Variants in RALGAPA2 observed in about 807,000 individuals in gnomAD.
RALGAPA2 encodes Ral GTPase activating protein catalytic subunit alpha 2.
A neutral mutation model predicts 230.4 loss-of-function variants in RALGAPA2; 139 were observed. The ratio of observed to expected loss-of-function variants is 0.60; its 90% confidence interval spans 0.53 to 0.69. RALGAPA2 has a LOEUF of 0.69. RALGAPA2 is among the 30% of genes least tolerant of loss of function. The pLI is 0.00. For missense variants in RALGAPA2, 2,163 were observed against 2,276.0 expected, an observed-to-expected ratio of 0.95 and a Z score of 1.01; for synonymous variants, 847 against 837.8, an observed-to-expected ratio of 1.01 and a Z score of -0.19.
chr20:20,565,391 G>A (rs1401750647), intron 23 of RALGAPA2, among the ~76,000 whole-genome samples: 1 of 152,178 alleles, frequency 6.6e-6, no homozygotes, highest in East Asian at 1.9e-4. Context: ...CAGGCTGTCT[G>A]GGGTTATTAA....
rs144804744 is a variant in RALGAPA2, at chr20:20,488,260, G to C, written c.5367+6857C>G. Among the ~76,000 whole-genome samples the C allele has an allele frequency of 1.7e-3, 254 of 152,298 alleles. 1 individual carries two copies. The highest frequency in any genetic ancestry group is 5.9e-3 in the African/African-American group (245 of 41,564). On this transcript the variant is annotated intron_variant, in intron 36 of 39. Transcript: ENST00000202677. ...GCTTTCTCCCTTTTTCTGCCAAAGA[G>C]GGGATTTTCCTCCAGTTTTTACTGT...
At chr20:20,464,265 CAG>C (rs1436113789) in intron 37 of RALGAPA2, among the ~76,000 whole-genome samples, 1 of 152,192 alleles carries the variant, frequency 6.6e-6, no homozygotes, top group Non-Finnish European at 1.5e-5. Context: ...CTTCAGCTGT[CAG>C]TATTTGCATG....
At chr20:20,524,286 G>A in intron 30 of RALGAPA2, 120 bp downstream of exon 30, 2 of 1,335,812 alleles carry the variant, frequency 1.5e-6, no homozygotes, top group South Asian at 2.8e-5. Context: ...AAACGTTTAA[G>A]CCACCATAAA....
Position 20,437,533 on chromosome 20 carries a change from C to T in RALGAPA2, c.5496-25385G>A, listed in dbSNP as rs1307594205. Among the ~76,000 whole-genome samples, 1 of 152,212 alleles carries T rather than the reference C, an allele frequency of 6.6e-6. No homozygotes were observed. Among genetic ancestry groups the T allele is most frequent in the African/African-American group, 2.4e-5 (1 of 41,456 alleles). On this transcript the variant is annotated intron_variant, in intron 37 of 39. Coordinates refer to ENST00000202677, the MANE Select transcript of RALGAPA2 (RefSeq NM_020343.4). The surrounding 1 kb of genome is among the most constrained non-coding windows in gnomAD (Gnocchi z 4.1). The stretch of plus-strand genomic sequence containing the variant: ...TACTGTGGCTGGCAAGGCCCTGCCC[C>T]ACTGGGTGCCTGCCCCTGCTGTCAC...
At chr20:20,394,889 CAAAAAAAAA>C (rs10673778) in intron 39 of RALGAPA2, among the ~76,000 whole-genome samples, 459 of 44,664 alleles carry the variant, frequency 0.01, 14 homozygotes, top group African/African-American at 0.041. Flanking sequence ...AATAAATAAG[CAAAAAAAAA>C]AAAAAAAAAA....
intron 11 of RALGAPA2, 25 bp downstream of exon 11, chr20:20,620,438 T>C: frequency 6.2e-7 from 1 of 1,609,524 alleles, no homozygotes; most frequent in Non-Finnish European, 8.5e-7. Context: ...TACCCTCAAC[T>C]CAAAAGACAA....
At chr20:20,434,074 C>G (rs990371158) in intron 37 of RALGAPA2, among the ~76,000 whole-genome samples, 1 of 152,104 alleles carries the variant, frequency 6.6e-6, no homozygotes, top group Non-Finnish European at 1.5e-5. Flanking sequence ...ACTTGTTCAT[C>G]TGGGGGCCTG....
chr20:20,706,884 G>A (rs2069629512), intron 1 of RALGAPA2, among the ~76,000 whole-genome samples: 1 of 152,054 alleles, frequency 6.6e-6, no homozygotes, highest in Non-Finnish European at 1.5e-5. Context: ...TCCTCAGCTG[G>A]GGATAGGAAC....
intron 23 of RALGAPA2, among the ~76,000 whole-genome samples, chr20:20,554,041 A>G (rs573214295): frequency 2.6e-5 from 4 of 152,316 alleles, no homozygotes; most frequent in African/African-American, 9.6e-5. Flanking sequence ...AAAGTGTACA[A>G]TTCAGTAGTT....
intron 16 of RALGAPA2, chr20:20,598,829 G>A (rs1440212043): frequency 2.2e-6 from 1 of 452,570 alleles, no homozygotes; most frequent in South Asian, 1.6e-5. Flanking sequence ...GCTTCCAGGA[G>A]AGATAAAGTA....
chr20:20,464,674 T>A (rs1454575627), intron 37 of RALGAPA2, among the ~76,000 whole-genome samples: 4 of 152,234 alleles, frequency 2.6e-5, no homozygotes, highest in Non-Finnish European at 5.9e-5. Flanking sequence ...ATTCTGTTAA[T>A]TTAAAATCAA....
intron 37 of RALGAPA2, among the ~76,000 whole-genome samples, chr20:20,432,905 C>G (rs1015782398): frequency 6.6e-6 from 1 of 152,162 alleles, no homozygotes; most frequent in South Asian, 2.1e-4. Flanking sequence ...ATCTGACTGC[C>G]CAGCAGCACT....
rs924642427 is a variant in RALGAPA2 at position 20,686,673 on chromosome 20, C to T, written c.107-5872G>A. Among the ~76,000 whole-genome samples the T allele has an allele frequency of 4.3e-4, 66 of 152,142 alleles. 1 individual carries two copies. The highest frequency in any genetic ancestry group is 3.7e-3 in the Admixed American group (57 of 15,274). On this transcript the variant is annotated intron_variant, in intron 1 of 39. Transcript: ENST00000202677. ...TCAGTAGTTTTAGAATTACTTTGCTCCTGGCAAAGGTCACTAATCCTAATA... is the reference window on the plus strand; with the variant it reads ...TCAGTAGTTTTAGAATTACTTTGCTTCTGGCAAAGGTCACTAATCCTAATA...
intron 1 of RALGAPA2, among the ~76,000 whole-genome samples, chr20:20,699,457 CGA>C (rs1384146992): frequency 1.3e-5 from 2 of 152,066 alleles, no homozygotes; most frequent in South Asian, 2.1e-4. Flanking sequence ...TCCATGGAAT[CGA>C]GAGAGAGTCT....
chr20:20,578,444 A>C (rs1414280166), intron 20 of RALGAPA2, among the ~76,000 whole-genome samples: 1 of 152,126 alleles, frequency 6.6e-6, no homozygotes, highest in Non-Finnish European at 1.5e-5. Flanking sequence ...CGGGTGTTTA[A>C]AATTTTTTTA....
chr20:20,582,165 T>TGTGG (rs2065005837), intron 20 of RALGAPA2, among the ~76,000 whole-genome samples: 1 of 131,520 alleles, frequency 7.6e-6, no homozygotes, highest in Admixed American at 7.1e-5. Flanking sequence ...TCACACAGTG[T>TGTGG]GTGTGTGTGT....
intron 37 of RALGAPA2, among the ~76,000 whole-genome samples, chr20:20,458,965 C>T (rs1041685679): frequency 2.0e-5 from 3 of 150,356 alleles, no homozygotes; most frequent in Non-Finnish European, 4.4e-5. Context: ...CAAATGTCAA[C>T]AGGAACCTTC....
At chr20:20,551,656 C>T (rs2063927756) in intron 23 of RALGAPA2, among the ~76,000 whole-genome samples, 1 of 152,164 alleles carries the variant, frequency 6.6e-6, no homozygotes, top group African/African-American at 2.4e-5. Flanking sequence ...CATATTCAGC[C>T]TGGTAAATGA....
chr20:20,536,258 T>C (rs535315415), intron 25 of RALGAPA2, among the ~76,000 whole-genome samples: 50 of 152,370 alleles, frequency 3.3e-4, no homozygotes, highest in African/African-American at 1.2e-3. Context: ...AATCTCAAAG[T>C]ATTAGCAGTA....
Sources: allele counts gnomAD v4.1 joint callset (sites outside exome capture counted in the v4.1 genomes callset), GRCh38; gene constraint gnomAD v4.1.1; non-coding constraint Gnocchi (gnomAD v3.1); transcripts MANE v1.5; gene names NCBI Gene and HGNC (gene_info 2026-07-23, HGNC 2026-07-21).